Variants in SGCD observed in about 807,000 individuals in gnomAD.
The protein encoded by SGCD is sarcoglycan delta, also known as delta-sarcoglycan.
In SGCD, 18 loss-of-function variants were observed where a neutral mutation model predicts 36.6. The observed-to-expected ratio is 0.49, with a 90% CI of 0.34 to 0.73. The LOEUF is 0.73. Among genes scored for constraint, SGCD ranks in the 30% least tolerant of loss-of-function variants. SGCD has a pLI of 0.01. For synonymous variants in SGCD, 133 were observed against 130.6 expected (o/e 1.02, Z -0.12); for missense variants, 387 against 346.7 (o/e 1.12, Z -0.92).
At chr5:156,601,965 G>C (rs1761210495) in intron 6 of SGCD, among the ~76,000 whole-genome samples, 1 of 152,226 alleles carries the variant, frequency 6.6e-6, no homozygotes, top group Admixed American at 6.5e-5. Context: ...GCAGGTGTGA[G>C]CCACTGAGCC....
In SGCD at chr5:156,700,649, A is replaced by G. The variant is rs531947585; in HGVS notation, c.575+53113A>G. Among the ~76,000 whole-genome samples, 4 of 152,232 alleles carry G rather than the reference A, an allele frequency of 2.6e-5. No individual in the cohort carries two copies. In the South Asian group the frequency reaches 8.3e-4, roughly 32 times the overall value. On this transcript the variant is annotated intron_variant, in intron 7 of 8. Coordinates refer to ENST00000337851, the MANE Select transcript of SGCD (RefSeq NM_000337.6). Reference sequence around the variant, plus strand: ...GTTGTAAAATATATTCTCATCCCCTATAAAAAAAATAATGCTGGGCATGGT... The same window carrying G: ...GTTGTAAAATATATTCTCATCCCCTGTAAAAAAAATAATGCTGGGCATGGT...
the SGCD span, among the ~76,000 whole-genome samples, chr5:155,761,481 C>T: frequency 0.18 from 25,448 of 141,230 alleles, 2,576 homozygotes; most frequent in Admixed American, 0.38. Flanking sequence ...ATCACCCTCT[C>T]CATCACCTTC....
chr5:156,556,520 T>A (rs1234527704), intron 4 of SGCD, among the ~76,000 whole-genome samples: 2 of 152,132 alleles, frequency 1.3e-5, no homozygotes, highest in Non-Finnish European at 2.9e-5. Flanking sequence ...AGCAATGGCT[T>A]AAAATAACTA....
chr5:156,007,191 T>TTGG (rs1470590494), intron 1 of SGCD, among the ~76,000 whole-genome samples: 4 of 152,272 alleles, frequency 2.6e-5, no homozygotes, highest in Non-Finnish European at 5.9e-5. Flanking sequence ...AGACACTTGC[T>TTGG]TCAGTTCTGC....
At chr5:156,167,612 T>C (rs533141673) in intron 3 of SGCD, among the ~76,000 whole-genome samples, 2 of 152,146 alleles carry the variant, frequency 1.3e-5, no homozygotes, top group Non-Finnish European at 2.9e-5. Flanking sequence ...TCACATGATA[T>C]CTGGTTGTTA....
At chr5:155,819,452 G>C in the SGCD span, among the ~76,000 whole-genome samples, 2 of 152,280 alleles carry the variant, frequency 1.3e-5, no homozygotes, top group African/African-American at 4.8e-5. Flanking sequence ...CGATTGAAAA[G>C]AGGGAATACT....
At chr5:155,771,239 T>C in the SGCD span, among the ~76,000 whole-genome samples, 1 of 151,052 alleles carries the variant, frequency 6.6e-6, no homozygotes, top group African/African-American at 2.5e-5. Flanking sequence ...CTGGGGTATT[T>C]CTCTTTTCCT....
chr5:156,491,137 G>C (rs1458056107), intron 3 of SGCD, among the ~76,000 whole-genome samples: 1 of 151,950 alleles, frequency 6.6e-6, no homozygotes, highest in African/African-American at 2.4e-5. Context: ...ATTTAACCAA[G>C]GAGGTAAAAG....
rs188731336 is a variant in SGCD, at chr5:156,252,568, G to A, written c.-43-76966G>A. 1.9e-3 allele frequency among the ~76,000 whole-genome samples: 293 copies of A among 152,084 alleles called. 1 individual carries two copies. The highest frequency in any genetic ancestry group is 6.8e-3 in the Middle Eastern group (2 of 294). On this transcript the variant is annotated intron_variant, in intron 3 of 9. Coordinates refer to the SGCD transcript ENST00000517913. ...TATGTTGGCAAATGGAATTCCTTTC[G>A]GACTGTTTACTTGTTACTATAATGC...
At chr5:156,365,840 A>G (rs748700564) in intron 3 of SGCD, among the ~76,000 whole-genome samples, 7 of 152,228 alleles carry the variant, frequency 4.6e-5, no homozygotes, top group Non-Finnish European at 7.3e-5. Context: ...TTAAATGTAC[A>G]TGTAAATATA....
At chr5:155,917,506 T>G (rs1756774035) in intron 1 of SGCD, among the ~76,000 whole-genome samples, 1 of 152,058 alleles carries the variant, frequency 6.6e-6, no homozygotes, top group Non-Finnish European at 1.5e-5. Context: ...AATTGAAGAT[T>G]GACAAATAAA....
intron 1 of SGCD, among the ~76,000 whole-genome samples, chr5:156,045,158 C>G (rs1423162782): frequency 6.6e-6 from 1 of 152,164 alleles, no homozygotes; most frequent in Non-Finnish European, 1.5e-5. Flanking sequence ...AGACATTTAT[C>G]CATTCCTGAG....
the SGCD span, among the ~76,000 whole-genome samples, chr5:155,849,037 G>A: frequency 7.2e-5 from 11 of 151,976 alleles, no homozygotes; most frequent in Non-Finnish European, 1.5e-4. Context: ...CAGTAGTTGA[G>A]TAGTCCTCAT....
At chr5:155,761,463 TCCTCACCATCAC>T in the SGCD span, among the ~76,000 whole-genome samples, 1 of 130,870 alleles carries the variant, frequency 7.6e-6, no homozygotes. Flanking sequence ...CTCTCCATCA[TCCTCACCATCAC>T]CCTCTCCATC....
At chr5:156,192,733 T>C (rs945787160) in intron 3 of SGCD, among the ~76,000 whole-genome samples, 2 of 151,350 alleles carry the variant, frequency 1.3e-5, no homozygotes, top group African/African-American at 4.9e-5. Context: ...ATATCACATG[T>C]ACCCCATAAA....
intron 1 of SGCD, among the ~76,000 whole-genome samples, chr5:156,055,283 G>A (rs1760032285): frequency 2.7e-5 from 4 of 145,736 alleles, no homozygotes; most frequent in Admixed American, 2.7e-4. Flanking sequence ...AGTAGTAAAG[G>A]TGGCTGTTGA....
Position 155,999,959 on chromosome 5 carries a change from G to T in SGCD, c.-281-117919G>T, listed in dbSNP as rs553718209. ...AACGTTATGAATCATGTTAGCAACT[G>T]TTAGAGTAGGTTCTATCTTCCTATC... On this transcript the variant is annotated intron_variant, in intron 1 of 9. Coordinates refer to the SGCD transcript ENST00000517913. Among the ~76,000 whole-genome samples, 7 of 152,330 alleles carry T rather than the reference G, an allele frequency of 4.6e-5. No homozygotes were observed. In the East Asian group the frequency reaches 1.2e-3, roughly 25 times the overall value.
chr5:156,243,205 A>T (rs1489686066), intron 3 of SGCD, among the ~76,000 whole-genome samples: 1 of 152,254 alleles, frequency 6.6e-6, no homozygotes, highest in African/African-American at 2.4e-5. Context: ...GTCTATGCTC[A>T]GGGCATTAGA....
the SGCD span, among the ~76,000 whole-genome samples, chr5:155,818,351 A>C: frequency 6.6e-6 from 1 of 152,150 alleles, no homozygotes; most frequent in Non-Finnish European, 1.5e-5. Context: ...GAGGCAGGTC[A>C]GAGCAACAGG....
Sources: allele counts gnomAD v4.1 joint callset (sites outside exome capture counted in the v4.1 genomes callset), GRCh38; gene constraint gnomAD v4.1.1; transcripts MANE v1.5; gene names NCBI Gene and HGNC (gene_info 2026-07-23, HGNC 2026-07-21).